LRMDA: variants seen among roughly 807,000 people sequenced by gnomAD.
LRMDA encodes leucine-rich melanocyte differentiation-associated protein.
Under a neutral mutation model 29.8 loss-of-function variants are expected in LRMDA, and 18 were observed. The ratio of observed to expected loss-of-function variants is 0.60; its 90% CI spans 0.42 to 0.90. LRMDA has a LOEUF of 0.90. Ranked by LOEUF, LRMDA falls within the 40% of genes least tolerant of loss-of-function variation. The pLI, the probability that LRMDA is intolerant of heterozygous loss-of-function variation, is 0.00. For synonymous variants in LRMDA, 125 were observed against 109.4 expected, an observed-to-expected ratio of 1.14 and a Z score of -0.89; for missense variants, 273 against 273.9, an observed-to-expected ratio of 1.00 and a Z score of 0.02.
chr10:76,266,009 T>C (rs184450310), intron 5 of LRMDA, among the ~76,000 whole-genome samples: 98 of 152,258 alleles, frequency 6.4e-4, no homozygotes, highest in Non-Finnish European at 9.4e-4. Flanking sequence ...AAATAGCCTG[T>C]GTTTGGAATC....
intron 5 of LRMDA, among the ~76,000 whole-genome samples, chr10:76,235,843 G>A (rs916824445): frequency 3.9e-5 from 6 of 152,188 alleles, no homozygotes; most frequent in Non-Finnish European, 7.4e-5. Flanking sequence ...GACTTTTTCT[G>A]ATCCAGATAG....
intron 5 of LRMDA, among the ~76,000 whole-genome samples, chr10:76,229,569 A>G (rs1852022266): frequency 6.6e-6 from 1 of 152,116 alleles, no homozygotes; most frequent in African/African-American, 2.4e-5. Context: ...AGATGAGGGA[A>G]CTTCAGAAAA....
intron 2 of LRMDA, among the ~76,000 whole-genome samples, chr10:75,878,853 G>C (rs1313098649): frequency 6.6e-6 from 1 of 152,156 alleles, no homozygotes; most frequent in Admixed American, 6.5e-5. Context: ...GAGCTCTGGA[G>C]ACTGTCATCT....
intron 6 of LRMDA, among the ~76,000 whole-genome samples, chr10:76,550,173 T>C (rs900236669): frequency 6.6e-6 from 1 of 152,258 alleles, no homozygotes; most frequent in Non-Finnish European, 1.5e-5. Context: ...TGGTTTTTTG[T>C]ATTTAAAAAT....
intron 2 of LRMDA, among the ~76,000 whole-genome samples, chr10:75,482,612 G>A (rs76710284): frequency 0.011 from 1,634 of 152,212 alleles, 34 homozygotes; most frequent in African/African-American, 0.038. Context: ...CTGACCCATG[G>A]TAGATGTGCA....
chr10:75,843,851 G>A (rs1183390389), intron 2 of LRMDA, among the ~76,000 whole-genome samples: 1 of 152,162 alleles, frequency 6.6e-6, no homozygotes, highest in Non-Finnish European at 1.5e-5. Context: ...ATGTTGTAAG[G>A]TCATCCATGC....
intron 2 of LRMDA, among the ~76,000 whole-genome samples, chr10:75,686,377 G>A (rs886695676): frequency 3.3e-5 from 5 of 152,254 alleles, no homozygotes; most frequent in Middle Eastern, 3.4e-3. Flanking sequence ...TTCTCAGGAA[G>A]GCCTTCCCCC....
intron 2 of LRMDA, among the ~76,000 whole-genome samples, chr10:75,756,258 G>A (rs1438329978): frequency 6.6e-6 from 1 of 152,230 alleles, no homozygotes; most frequent in African/African-American, 2.4e-5. Context: ...CTAAGTCAAA[G>A]TATTGCGTAG....
intron 5 of LRMDA, among the ~76,000 whole-genome samples, chr10:76,232,710 G>A (rs1435376784): frequency 6.6e-6 from 1 of 152,130 alleles, no homozygotes; most frequent in Non-Finnish European, 1.5e-5. Context: ...TTGCACCCAA[G>A]AAAAATAAGG....
At chr10:76,483,509 T>C (rs988236329) in intron 6 of LRMDA, among the ~76,000 whole-genome samples, 5 of 151,896 alleles carry the variant, frequency 3.3e-5, no homozygotes, top group African/African-American at 7.2e-5. Flanking sequence ...TTCTCACGGA[T>C]TGCCTAATCT....
At chr10:75,768,242 C>A (rs1843194571) in intron 2 of LRMDA, among the ~76,000 whole-genome samples, 1 of 152,226 alleles carries the variant, frequency 6.6e-6, no homozygotes, top group African/African-American at 2.4e-5. Context: ...TATTATTAGG[C>A]AGCCCATTCT....
At chr10:76,183,958 A>C (rs1048615421) in intron 5 of LRMDA, among the ~76,000 whole-genome samples, 6 of 152,036 alleles carry the variant, frequency 3.9e-5, no homozygotes, top group Non-Finnish European at 5.9e-5. Flanking sequence ...CCTGGCCTCA[A>C]GTGATGCTCC....
At chr10:76,382,487 G>A (rs967569895) in intron 6 of LRMDA, among the ~76,000 whole-genome samples, 1 of 152,190 alleles carries the variant, frequency 6.6e-6, no homozygotes, top group African/African-American at 2.4e-5. Context: ...GAAAGGGAAT[G>A]TAGAAAGTAA....
intron 2 of LRMDA, among the ~76,000 whole-genome samples, chr10:76,013,007 G>A (rs548514414): frequency 8.5e-5 from 13 of 152,284 alleles, no homozygotes; most frequent in African/African-American, 2.6e-4. Context: ...TTTGCGGGAG[G>A]GGGAGAAGGG....
intron 2 of LRMDA, among the ~76,000 whole-genome samples, chr10:75,466,955 T>C (rs1844658992): frequency 6.6e-6 from 1 of 151,982 alleles, no homozygotes; most frequent in Non-Finnish European, 1.5e-5. Flanking sequence ...TTTTTTTTTT[T>C]CCAGTGACTC....
At chr10:76,177,959 C>T (rs1235402730) in intron 5 of LRMDA, among the ~76,000 whole-genome samples, 1 of 152,210 alleles carries the variant, frequency 6.6e-6, no homozygotes, top group African/African-American at 2.4e-5. Flanking sequence ...TGGCATTCCA[C>T]TACCTTTGCT....
At chr10:76,322,413 C>T (rs1010703145) in intron 5 of LRMDA, among the ~76,000 whole-genome samples, 1 of 152,168 alleles carries the variant, frequency 6.6e-6, no homozygotes, top group Non-Finnish European at 1.5e-5. Context: ...TCATTCTTTC[C>T]TGGATTATTT....
At chr10:75,794,526 C>T (rs992153132) in intron 2 of LRMDA, among the ~76,000 whole-genome samples, 2 of 152,134 alleles carry the variant, frequency 1.3e-5, no homozygotes, top group Non-Finnish European at 2.9e-5. Flanking sequence ...AACAGTTTTT[C>T]ACTGTGATTG....
At chr10:76,250,230 T>C (rs74150557) in intron 5 of LRMDA, among the ~76,000 whole-genome samples, 7,438 of 152,240 alleles carry the variant, frequency 0.049, 600 homozygotes, top group African/African-American at 0.17. Flanking sequence ...TCCCCTGGCA[T>C]ATTGTGAAGC....
Sources: allele counts gnomAD v4.1 joint callset (sites outside exome capture counted in the v4.1 genomes callset), GRCh38; gene constraint gnomAD v4.1.1; transcripts MANE v1.5; gene names NCBI Gene and HGNC (gene_info 2026-07-23, HGNC 2026-07-21).